The following IGF2BP2 variants were observed in gnomAD, a reference collection of about 807,000 sequenced individuals.
IGF2BP2 encodes insulin like growth factor 2 mRNA binding protein 2.
A neutral mutation model predicts 75.8 loss-of-function variants in IGF2BP2; 17 were observed. The observed-to-expected ratio is 0.22, with a 90% CI of 0.15 to 0.34. The LOEUF (loss-of-function observed/expected upper bound fraction) is 0.34. IGF2BP2 is among the 10% of genes least tolerant of loss of function. IGF2BP2 has a pLI of 1.00. For missense variants in IGF2BP2, 516 were observed against 772.4 expected, an observed-to-expected ratio of 0.67 and a Z score of 3.93; for synonymous variants, 288 against 295.6, an observed-to-expected ratio of 0.97 and a Z score of 0.26.
intron 7 of IGF2BP2, among the ~76,000 whole-genome samples, chr3:185,677,059 A>ATATATATATATATATATAT (rs1719602931): frequency 1.4e-5 from 1 of 69,452 alleles, no homozygotes; most frequent in African/African-American, 6.3e-5. Flanking sequence ...ATATATATAT[A>ATATATATATATATATATAT]TATATATATA....
intron 2 of IGF2BP2, among the ~76,000 whole-genome samples, chr3:185,785,469 T>C (rs1735767313): frequency 1.3e-5 from 2 of 151,948 alleles, no homozygotes; most frequent in South Asian, 4.2e-4. Context: ...ATCTGTCTGA[T>C]ATATCAGGGA....
chr3:185,797,530 C>T (rs1737588520), intron 2 of IGF2BP2, among the ~76,000 whole-genome samples: 1 of 152,230 alleles, frequency 6.6e-6, no homozygotes, highest in Non-Finnish European at 1.5e-5. Context: ...TGGCTTCACT[C>T]TTTCACCTTT....
intron 2 of IGF2BP2, chr3:185,725,116 C>T (rs1444717609): frequency 6.6e-6 from 1 of 152,220 alleles, no homozygotes; most frequent in Non-Finnish European, 1.5e-5. Flanking sequence ...TTTGAATATT[C>T]CCAGCAGAGG....
intron 2 of IGF2BP2, among the ~76,000 whole-genome samples, chr3:185,742,616 C>T (rs1364325849): frequency 6.6e-6 from 1 of 151,966 alleles, no homozygotes; most frequent in African/African-American, 2.4e-5. Context: ...ATGATCACCC[C>T]ACTGCACTCC....
intron 10 of IGF2BP2, among the ~76,000 whole-genome samples, chr3:185,658,686 C>G (rs1387035258): frequency 2.0e-5 from 3 of 152,220 alleles, no homozygotes; most frequent in Non-Finnish European, 4.4e-5. Context: ...GTCCTAGGAA[C>G]ATACCATGGG....
At chr3:185,701,367 T>TAAAAAA (rs558141080) in intron 2 of IGF2BP2, among the ~76,000 whole-genome samples, 1 of 117,094 alleles carries the variant, frequency 8.5e-6, no homozygotes, top group African/African-American at 3.2e-5. Context: ...ACCTGCTAAG[T>TAAAAAA]AAAAAAAAAA....
At chr3:185,800,282 T>A (rs1339603907) in intron 2 of IGF2BP2, among the ~76,000 whole-genome samples, 4 of 150,302 alleles carry the variant, frequency 2.7e-5, no homozygotes, top group African/African-American at 9.8e-5. Context: ...TGTCGGAGAG[T>A]GGGGGACTGG....
intron 10 of IGF2BP2, among the ~76,000 whole-genome samples, chr3:185,659,622 C>T (rs1348099004): frequency 1.3e-5 from 2 of 151,910 alleles, no homozygotes; most frequent in African/African-American, 2.4e-5. Flanking sequence ...GTGATCTACC[C>T]GCCTTAGCCT....
intron 2 of IGF2BP2, among the ~76,000 whole-genome samples, chr3:185,758,341 GA>G: frequency 6.6e-6 from 1 of 152,178 alleles, no homozygotes. Flanking sequence ...ACACCCAAGA[GA>G]AAGCACAGGC....
intron 2 of IGF2BP2, among the ~76,000 whole-genome samples, chr3:185,768,579 T>C (rs959607024): frequency 6.6e-6 from 1 of 152,242 alleles, no homozygotes; most frequent in Admixed American, 6.5e-5. Context: ...ATAAAAATGA[T>C]ATAAATTTTC....
intron 10 of IGF2BP2, among the ~76,000 whole-genome samples, chr3:185,668,494 G>C (rs972132234): frequency 8.2e-6 from 1 of 121,584 alleles, no homozygotes; most frequent in East Asian, 2.0e-4. Flanking sequence ...GTTCGAGAGA[G>C]AGAGAGAGAG....
intron 10 of IGF2BP2, among the ~76,000 whole-genome samples, chr3:185,667,213 C>CA (rs1452801660): frequency 3.3e-5 from 5 of 150,808 alleles, no homozygotes; most frequent in African/African-American, 4.9e-5. Context: ...ATATCCATTT[C>CA]AAAAAAAATA....
intron 2 of IGF2BP2, among the ~76,000 whole-genome samples, chr3:185,769,426 A>C (rs1733562575): frequency 6.6e-6 from 1 of 152,092 alleles, no homozygotes; most frequent in South Asian, 2.1e-4. Flanking sequence ...AAACACTCAG[A>C]AGAACCTGTA....
chr3:185,675,288 G>A lies in IGF2BP2; in HGVS notation c.1071+8C>T. On this transcript the variant is annotated splice_region_variant and intron_variant, in intron 9 of 15. Transcript: ENST00000382199. ...AAACCAGCGGAGAAGAAAGCATTAG[G>A]GACTTACGTTAACAGCCAGCATATC... 1 of 1,601,876 alleles carries A rather than the reference G, an allele frequency of 6.2e-7. No individual in the cohort carries two copies. Among genetic ancestry groups the A allele is most frequent in the African/African-American group, 1.3e-5 (1 of 74,130 alleles).
In IGF2BP2 at chr3:185,669,214, T is replaced by C. The variant is rs1226033293; in HGVS notation, c.1200+3327A>G. 3.3e-5 allele frequency among the ~76,000 whole-genome samples: 5 copies of C among 152,246 alleles called. No homozygotes were observed. In the East Asian group the frequency reaches 9.6e-4, roughly 29 times the overall value. On this transcript the variant is annotated intron_variant, in intron 10 of 15. Coordinates refer to ENST00000382199, the MANE Select transcript of IGF2BP2 (RefSeq NM_006548.6). ...CAAAATTATATACTATGTATCAGCA[T>C]AGAAAATGTACAGATTCTTTGATTC... is the stretch of plus-strand genomic sequence containing the variant.
chr3:185,796,742 C>T lies in IGF2BP2; in HGVS notation c.239+26411G>A, dbSNP rs145993876. ...TGTAGTACCTGTATACTCTGAGTCA[C>T]GGTTTACTCTGAGTCACTGTGAACT... On this transcript the variant is annotated intron_variant, in intron 2 of 15. Transcript: ENST00000382199. Among the ~76,000 whole-genome samples the T allele has an allele frequency of 9.5e-4, 144 of 152,174 alleles. 1 individual carries two copies. In the East Asian group the frequency reaches 0.023, roughly 24 times the overall value.
intron 2 of IGF2BP2, among the ~76,000 whole-genome samples, chr3:185,804,255 CAAAAAAA>C (rs71164543): frequency 1.1e-5 from 1 of 89,508 alleles, no homozygotes; most frequent in Non-Finnish European, 2.3e-5. Flanking sequence ...GACTACGTCT[CAAAAAAA>C]AAAAAAAAAA....
intron 2 of IGF2BP2, among the ~76,000 whole-genome samples, chr3:185,750,423 G>C (rs1256850479): frequency 6.6e-6 from 1 of 152,156 alleles, no homozygotes; most frequent in Non-Finnish European, 1.5e-5. Flanking sequence ...ATCTCGCCTG[G>C]AATAACACTT....
chr3:185,657,254 AAGGGCCAC>A, intron 12 of IGF2BP2, 24 bp downstream of exon 12: 2 of 1,492,674 alleles, frequency 1.3e-6, no homozygotes, highest in South Asian at 2.3e-5. Context: ...GAGGTGGTAG[AAGGGCCAC>A]AGGGCCGTCA....
Sources: gnomAD v4.1 joint callset for allele counts (sites outside exome capture counted in the v4.1 genomes callset) on GRCh38, gnomAD v4.1.1 for gene constraint, MANE v1.5 for transcripts, NCBI Gene and HGNC (gene_info 2026-07-23, HGNC 2026-07-21) for gene names.